FCRL5: variants seen among roughly 807,000 people sequenced by gnomAD.
FCRL5 encodes the protein Fc receptor-like protein 5.
In FCRL5, 79 loss-of-function variants were observed where a neutral mutation model predicts 92.1. The ratio of observed to expected loss-of-function variants is 0.86; its 90% CI spans 0.72 to 1.03. The LOEUF (loss-of-function observed/expected upper bound fraction) is 1.03, where lower values mean the gene tolerates loss of function less well. FCRL5 is among the 50% of genes least tolerant of loss of function. FCRL5 has a pLI of 0.00. For missense variants in FCRL5, 1,160 were observed against 1,181.1 expected (o/e 0.98, Z 0.26); for synonymous variants, 466 against 469.3 (o/e 0.99, Z 0.09).
At chr1:157,548,730 A>G (rs1040364399) in intron 2 of FCRL5, among the ~76,000 whole-genome samples, 7 of 152,242 alleles carry the variant, frequency 4.6e-5, no homozygotes, top group East Asian at 1.9e-4. Context: ...CAAAACCACA[A>G]TGAGATACCA....
At position 157,539,122 on chromosome 1, in the gene FCRL5, G is replaced by A; in HGVS notation, c.1366C>T (p.Pro456Ser). The change falls in exon 7 of 17, where the codon CCC (proline) becomes TCC (serine). Residue 456 changes from proline to serine, a missense_variant. Physicochemically the swap from Pro to Ser is moderately conservative, Grantham distance 74. Coordinates refer to ENST00000361835, the MANE Select transcript of FCRL5 (RefSeq NM_031281.3). ...YYCTADNGFG[P>S]QRSKAVSLSV... ...AGGCTCACCGCCTTACTGCGCTGGG[G>A]GCCAAAGCCATTGTCAGCTGTGCAG... The A allele has an allele frequency of 6.2e-7, 1 of 1,614,104 alleles. No homozygotes were observed. The highest frequency in any genetic ancestry group is 8.5e-7 in the Non-Finnish European group (1 of 1,180,024).
In FCRL5 at chr1:157,544,351, C is replaced by T; in HGVS notation, c.755G>A (p.Ser252Asn). The change falls in exon 5 of 17, where the codon AGT (serine) becomes AAT (asparagine). Residue 252 changes from serine to asparagine, a missense_variant. Coordinates refer to ENST00000361835, the MANE Select transcript of FCRL5 (RefSeq NM_031281.3). ...ACACCAGTAGAACCCTGAATCTTTA[C>T]TCCACATGGCAGTAATCTGGAAATT... ...SPNFQITAMW[S>N]KDSGFYWCKA... 3.1e-6 allele frequency: 5 copies of T among 1,614,218 alleles called. No individual in the cohort carries two copies. The highest frequency in any genetic ancestry group is 4.2e-6 in the Non-Finnish European group (5 of 1,180,026).
At position 157,527,846 on chromosome 1, in the gene FCRL5, A is replaced by C. The variant is rs769700797; in HGVS notation, c.1731T>G (p.Ala577=). ...ILTLRVPRAQ[A]VVGDLLELHC... Reference sequence around the variant, plus strand: ...GAAGCTCCAGCAGGTCCCCCACCACAGCCTGGGCCCTGGGAACCCTGAGGG... The same window carrying C: ...GAAGCTCCAGCAGGTCCCCCACCACCGCCTGGGCCCTGGGAACCCTGAGGG... Residue 577 remains alanine (A), a synonymous_variant, in exon 9 of 17, where the codon GCT becomes GCG. Coordinates refer to ENST00000361835, the MANE Select transcript of FCRL5 (RefSeq NM_031281.3). The C allele has an allele frequency of 6.2e-7, 1 of 1,610,000 alleles. No homozygotes were observed. Among genetic ancestry groups the C allele is most frequent in the Non-Finnish European group, 8.5e-7 (1 of 1,177,870 alleles).
intron 7 of FCRL5, among the ~76,000 whole-genome samples, chr1:157,538,207 T>A (rs1651066257): frequency 6.6e-6 from 1 of 152,154 alleles, no homozygotes; most frequent in African/African-American, 2.4e-5. Flanking sequence ...TCCCCCTGGG[T>A]TCCCTGGCCC....
intron 9 of FCRL5, 143 bp from the exon 10 acceptor site, chr1:157,524,700 C>T: frequency 2.2e-6 from 2 of 928,182 alleles, no homozygotes; most frequent in Non-Finnish European, 3.2e-6. Context: ...ATTTTCAGAT[C>T]TCCAGAAAGA....
At chr1:157,549,372 A>C (rs1481495687) in intron 2 of FCRL5, among the ~76,000 whole-genome samples, 188 bp downstream of exon 2, 2 of 152,154 alleles carry the variant, frequency 1.3e-5, no homozygotes, top group African/African-American at 2.4e-5. Context: ...CCAACATGGC[A>C]CATGTATACA....
At chr1:157,546,396 C>T (rs547578307) in intron 3 of FCRL5, 6 of 345,380 alleles carry the variant, frequency 1.7e-5, no homozygotes, top group Admixed American at 7.3e-5. Context: ...TGCAGTGAGC[C>T]GAGATAACGC....
At chr1:157,527,547 G>C (rs1650484670) in intron 9 of FCRL5, 70 bp downstream of exon 9, 1 of 1,443,582 alleles carries the variant, frequency 6.9e-7, no homozygotes, top group Admixed American at 2.2e-5. Context: ...CTGTACCTCT[G>C]ATCTTGGCTA....
At chr1:157,526,070 G>T (rs188692707) in intron 9 of FCRL5, among the ~76,000 whole-genome samples, 15 of 152,316 alleles carry the variant, frequency 9.8e-5, no homozygotes, top group Admixed American at 2.6e-4. Flanking sequence ...ATAAGTCAAA[G>T]TTCTGGAACA....
intron 10 of FCRL5, 65 bp downstream of exon 10, chr1:157,524,214 C>T: frequency 6.4e-7 from 1 of 1,573,542 alleles, no homozygotes; most frequent in South Asian, 1.1e-5. Flanking sequence ...GCTCCATTTT[C>T]AGCTGCAGGG....
In FCRL5 at chr1:157,546,884, A is replaced by G. The variant is rs1651562391; in HGVS notation, c.307+59T>C. On this transcript the variant is annotated intron_variant, in intron 3 of 16. Transcript: ENST00000361835. ...TCTGAGGTAAACAGTAATAACAGCTAGAGAGAAACATGGGCTGAATTGATT... is the reference window on the plus strand; with the variant it reads ...TCTGAGGTAAACAGTAATAACAGCTGGAGAGAAACATGGGCTGAATTGATT... The G allele has an allele frequency of 6.4e-6, 10 of 1,574,538 alleles. No individual in the cohort carries two copies. In the East Asian group the frequency reaches 2.2e-4, roughly 35 times the overall value.
rs1650872243 is a variant in FCRL5 at position 157,534,706 on chromosome 1, G to C, written c.1589C>G (p.Ser530Cys). The change falls in exon 8 of 17, where the codon TCT (serine) becomes TGT (cysteine). Residue 530 changes from serine to cysteine, a missense_variant. Transcript: ENST00000361835. ...PSVGRVSFSF[S>C]LTEGHSGNYY... ...ATTCCCTGAATGTCCTTCAGTCAGA[G>C]AGAAGCTGAAGGACACTCTTCCCAC... 2.5e-6 allele frequency: 4 copies of C among 1,613,904 alleles called. No individual in the cohort carries two copies. The highest frequency in any genetic ancestry group is 3.4e-6 in the Non-Finnish European group (4 of 1,179,942).
rs779276501 is a variant in FCRL5, at chr1:157,521,098, C to G, written c.2434G>C (p.Glu812Gln). 3.7e-6 allele frequency: 6 copies of G among 1,614,052 alleles called. No individual in the cohort carries two copies. In the South Asian group the frequency reaches 5.5e-5, roughly 15 times the overall value. ...TCACAGGAGTAGTTTCCAGAGTGCT[C>G]TGCAGTCAGAGAGAGGTTTAAGGAC... ...GASLNLSLTA[E>Q]HSGNYSCEAD... is the part of the protein sequence containing the mutation. Residue 812 changes from glutamate to glutamine, a missense_variant, in exon 11 of 17, where the codon GAG becomes CAG. Physicochemically the swap from Glu to Gln is conservative, Grantham distance 29 (BLOSUM62 2). Transcript: ENST00000361835.
chr1:157,533,790 G>GA (rs112879229), intron 8 of FCRL5: 13,267 of 152,742 alleles, frequency 0.087, 1,548 homozygotes, highest in African/African-American at 0.27. Flanking sequence ...AAGCTTCCTA[G>GA]TAGATTTGGC....
In FCRL5 at chr1:157,524,552, C is replaced by T; in HGVS notation, c.1966G>A (p.Val656Ile). 6.3e-7 allele frequency: 1 copy of T among 1,586,368 alleles called. No individual in the cohort carries two copies. Among genetic ancestry groups the T allele is most frequent in the Non-Finnish European group, 8.6e-7 (1 of 1,165,366 alleles). Residue 656 changes from valine (V) to isoleucine (I), a missense_variant, in exon 10 of 17, where the codon GTA becomes ATA. Coordinates refer to ENST00000361835, the MANE Select transcript of FCRL5 (RefSeq NM_031281.3). ...DTISLSVIVP[V>I]SRPILTFRAP... ...CTGAAGGTGAGGATGGGACGAGATA[C>T]TGGAACTGAGGGAGGAAAAACGTTA...
rs1203504285 is a variant in FCRL5, at chr1:157,534,350, G to C, written c.1681+264C>G. 7.0e-6 allele frequency: 5 copies of C among 712,404 alleles called. No homozygotes were observed. The Admixed American group carries it at 8.0e-5, about 11-fold the overall frequency. 44.1% of individuals were successfully genotyped at this position (712,404 alleles called of 1,614,324 possible). On this transcript the variant is annotated intron_variant, in intron 8 of 16. Coordinates refer to ENST00000361835, the MANE Select transcript of FCRL5 (RefSeq NM_031281.3). ...GTGCATCAAGAAAAATTGGCGTACT[G>C]TTGGAACATACAAGGAATGAGGAGA... is the stretch of plus-strand genomic sequence containing the variant.
rs143613026 is a variant in FCRL5 at position 157,539,335 on chromosome 1, T to G, written c.1153A>C (p.Ser385Arg). Reference sequence around the variant, plus strand: ...TCAAAAATCAGGTCCTCAGGAGAGCTGAGGTTGAGGACAGGATGAGACACG... The same window carrying G: ...TCAAAAATCAGGTCCTCAGGAGAGCGGAGGTTGAGGACAGGATGAGACACG... ...VPVSHPVLNLSSPEDLIFEGA... is the reference protein window; with the variant it reads ...VPVSHPVLNLRSPEDLIFEGA... Residue 385 changes from serine to arginine, a missense_variant, in exon 7 of 17, where the codon AGC (serine) becomes CGC (arginine). Physicochemically the swap from Ser to Arg is moderately radical, Grantham distance 110. Transcript: ENST00000361835. 110 of 1,613,802 alleles carry G rather than the reference T, an allele frequency of 6.8e-5. 1 individual carries two copies. The African/African-American group carries it at 1.3e-3, about 19-fold the overall frequency.
chr1:157,517,601 AG>A (rs1159500455), intron 15 of FCRL5, among the ~76,000 whole-genome samples: 5 of 152,300 alleles, frequency 3.3e-5, no homozygotes, highest in Middle Eastern at 3.4e-3. Context: ...ACATGGGTGC[AG>A]GAAAGTGGAT....
chr1:157,539,446 C>T (rs142186651), intron 6 of FCRL5, 82 bp from the exon 7 acceptor site: 6 of 1,326,260 alleles, frequency 4.5e-6, no homozygotes, highest in African/African-American at 2.9e-5. Context: ...TCTTGGGAAC[C>T]CCAAATCACT....
Sources: allele counts gnomAD v4.1 joint callset (sites outside exome capture counted in the v4.1 genomes callset), GRCh38; gene constraint gnomAD v4.1.1; transcripts MANE v1.5; gene names NCBI Gene and HGNC (gene_info 2026-07-23, HGNC 2026-07-21).